ASPRV1: variants seen among roughly 807,000 people sequenced by gnomAD.
The protein encoded by ASPRV1 is retroviral-like aspartic protease 1.
In ASPRV1, 7 loss-of-function variants were observed where a neutral mutation model predicts 11.0. That is an observed-to-expected ratio of 0.64 (90% confidence interval 0.36 to 1.20). The LOEUF (loss-of-function observed/expected upper bound fraction) is 1.20. ASPRV1 is among the 50% of genes most tolerant of loss of function. The pLI, the probability that ASPRV1 is intolerant of heterozygous loss-of-function variation, is 0.02. For synonymous variants in ASPRV1, 136 were observed against 138.4 expected (o/e 0.98, Z 0.12); for missense variants, 299 against 320.0 (o/e 0.93, Z 0.50).
the ASPRV1 span, chr2:70,046,546 G>A: frequency 1.3e-5 from 2 of 152,114 alleles, no homozygotes; most frequent in African/African-American, 2.4e-5. Flanking sequence ...ATTCAGGATG[G>A]GAGTTCTTAT....
chr2:70,054,014 C>G, the ASPRV1 span: 2 of 152,266 alleles, frequency 1.3e-5, no homozygotes, highest in African/African-American at 4.8e-5. Context: ...AAAACAAAAT[C>G]AACACATAGG....
the ASPRV1 span, among the ~76,000 whole-genome samples, chr2:69,944,123 T>C: frequency 6.6e-6 from 1 of 152,218 alleles, no homozygotes; most frequent in Admixed American, 6.5e-5. Flanking sequence ...GGAACCCACC[T>C]AATAGTGCAT....
chr2:70,060,764 T>C, the ASPRV1 span, among the ~76,000 whole-genome samples: 1 of 152,092 alleles, frequency 6.6e-6, no homozygotes, highest in African/African-American at 2.4e-5. Context: ...TGCAGTAAGC[T>C]GAGATCGCTC....
the ASPRV1 span, among the ~76,000 whole-genome samples, chr2:70,068,705 G>A: frequency 5.9e-5 from 9 of 151,766 alleles, no homozygotes; most frequent in African/African-American, 1.5e-4. Flanking sequence ...CAAGGCGGGC[G>A]GATCACCTGA....
the ASPRV1 span, among the ~76,000 whole-genome samples, chr2:70,043,872 G>T: frequency 6.6e-6 from 1 of 152,166 alleles, no homozygotes; most frequent in Non-Finnish European, 1.5e-5. Flanking sequence ...ATGCTGGTGG[G>T]CTATCTACTC....
the ASPRV1 span, among the ~76,000 whole-genome samples, chr2:70,024,941 C>T: frequency 6.6e-6 from 1 of 152,176 alleles, no homozygotes; most frequent in African/African-American, 2.4e-5. Context: ...TGTCATAGCT[C>T]TGAGCCCTGG....
chr2:69,974,901 G>A, the ASPRV1 span, among the ~76,000 whole-genome samples: 1 of 152,212 alleles, frequency 6.6e-6, no homozygotes, highest in Non-Finnish European at 1.5e-5. Flanking sequence ...CCTGGAGGTC[G>A]GGGTATGGGC....
chr2:70,036,435 C>T, the ASPRV1 span, among the ~76,000 whole-genome samples: 52 of 150,646 alleles, frequency 3.5e-4, no homozygotes, highest in Middle Eastern at 3.5e-3. Context: ...CTAGCGTGGG[C>T]GGGTGGGATT....
chr2:70,055,875 C>G, the ASPRV1 span: 3 of 151,876 alleles, frequency 2.0e-5, no homozygotes, highest in African/African-American at 4.8e-5. Context: ...GTGAGGAGTT[C>G]AAGACCAGCC....
At chr2:69,990,879 G>A in the ASPRV1 span, among the ~76,000 whole-genome samples, 3 of 152,194 alleles carry the variant, frequency 2.0e-5, no homozygotes, top group Admixed American at 6.5e-5. Context: ...ACCTTCATAC[G>A]CAGCCTCTAA....
the ASPRV1 span, among the ~76,000 whole-genome samples, chr2:70,027,165 G>A: frequency 6.6e-6 from 1 of 151,386 alleles, no homozygotes; most frequent in South Asian, 2.1e-4. Context: ...GGCTGATGTG[G>A]GAGGACCACT....
At chr2:70,075,952 G>C in the ASPRV1 span, among the ~76,000 whole-genome samples, 1 of 152,162 alleles carries the variant, frequency 6.6e-6, no homozygotes, top group Non-Finnish European at 1.5e-5. Context: ...AGAGAGGCCG[G>C]ACAAGCTCTT....
chr2:69,966,173 G>A (rs1285047586), upstream of ASPRV1, among the ~76,000 whole-genome samples: 1 of 152,186 alleles, frequency 6.6e-6, no homozygotes, highest in African/African-American at 2.4e-5. Context: ...ACCAAGAGTT[G>A]GTCAGACCAA....
the ASPRV1 span, among the ~76,000 whole-genome samples, chr2:70,057,338 A>T: frequency 6.6e-6 from 1 of 152,198 alleles, no homozygotes; most frequent in Non-Finnish European, 1.5e-5. Context: ...TATAAATGCT[A>T]ACACTAGCAC....
chr2:69,958,870 T>C (rs1046365667), downstream of ASPRV1, among the ~76,000 whole-genome samples: 1 of 152,212 alleles, frequency 6.6e-6, no homozygotes, highest in Non-Finnish European at 1.5e-5. Context: ...TCTCTAGGCA[T>C]CACTTTTCTG....
chr2:70,036,367 A>G, the ASPRV1 span, among the ~76,000 whole-genome samples: 1 of 152,152 alleles, frequency 6.6e-6, no homozygotes, highest in African/African-American at 2.4e-5. Flanking sequence ...AAATGAAATT[A>G]GAGAAACCAG....
the ASPRV1 span, among the ~76,000 whole-genome samples, chr2:70,082,155 G>A: frequency 1.3e-5 from 2 of 151,920 alleles, no homozygotes; most frequent in African/African-American, 2.4e-5. Flanking sequence ...GTGTGTGTGT[G>A]TGTATTTTTA....
chr2:70,011,274 TAA>T, the ASPRV1 span, among the ~76,000 whole-genome samples: 2 of 145,834 alleles, frequency 1.4e-5, no homozygotes, highest in Admixed American at 6.8e-5. Context: ...AATTAAAAGT[TAA>T]AAAAAAAAAG....
the ASPRV1 span, chr2:69,937,121 G>A: frequency 2.2e-5 from 30 of 1,381,724 alleles, no homozygotes; most frequent in Admixed American, 8.4e-5. Flanking sequence ...GAGTGGCACC[G>A]AAAGGCGTCT....
Sources: gnomAD v4.1 joint callset for allele counts (sites outside exome capture counted in the v4.1 genomes callset) on GRCh38, gnomAD v4.1.1 for gene constraint, MANE v1.5 for transcripts, NCBI Gene and HGNC (gene_info 2026-07-23, HGNC 2026-07-21) for gene names.